The following SLC35D1 variants were observed in gnomAD, a reference collection of about 807,000 sequenced individuals.
SLC35D1 encodes the protein nucleotide sugar transporter SLC35D1.
SLC35D1 carries 31 observed loss-of-function variants against 46.7 expected under a neutral mutation model. The observed-to-expected ratio is 0.66, with a 90% CI of 0.50 to 0.90. SLC35D1 has a LOEUF of 0.90. SLC35D1 is among the 40% of genes least tolerant of loss of function. The pLI, the probability that SLC35D1 is intolerant of heterozygous loss-of-function variation, is 0.00. For missense variants in SLC35D1, 397 were observed against 426.2 expected, an observed-to-expected ratio of 0.93 and a Z score of 0.60; for synonymous variants, 195 against 164.6, an observed-to-expected ratio of 1.18 and a Z score of -1.41.
At position 67,014,894 on chromosome 1, in the gene SLC35D1, A is replaced by G. The variant is rs568027776; in HGVS notation, c.876+5475T>C. Among the ~76,000 whole-genome samples the G allele has an allele frequency of 2.0e-4, 31 of 151,518 alleles. No individual in the cohort carries two copies. In the East Asian group the frequency reaches 5.6e-3, roughly 27 times the overall value. On this transcript the variant is annotated intron_variant, in intron 10 of 11. Transcript: ENST00000235345. ...AGGCCCTGTCCTCCCTAGCCCAACC[A>G]TGTCTCTTGGCCATACTAAGGATTA... is the stretch of plus-strand genomic sequence containing the variant.
At chr1:66,997,517 A>AT (rs1319900394), downstream of SLC35D1, among the ~76,000 whole-genome samples, 1,670 of 24,004 alleles carry the variant, frequency 0.07, 14 homozygotes, top group Non-Finnish European at 0.12. Flanking sequence ...AAAAAAAAAA[A>AT]AAATATATAT....
the SLC35D1 span, among the ~76,000 whole-genome samples, chr1:66,993,370 C>A: frequency 1.3e-5 from 2 of 152,178 alleles, no homozygotes; most frequent in African/African-American, 2.4e-5. Context: ...CTAAGGAGTT[C>A]AGCAGTGACC....
intron 8 of SLC35D1, among the ~76,000 whole-genome samples, chr1:67,023,685 C>T (rs1311176289): frequency 6.6e-6 from 1 of 151,626 alleles, no homozygotes; most frequent in Non-Finnish European, 1.5e-5. Flanking sequence ...AGGGTTTCAC[C>T]ATGTTAGCCA....
chr1:67,005,800 C>T (rs567193124), intron 11 of SLC35D1, among the ~76,000 whole-genome samples: 1 of 152,216 alleles, frequency 6.6e-6, no homozygotes, highest in East Asian at 1.9e-4. Flanking sequence ...CCCTTATGAC[C>T]CTTGTGCCAC....
At chr1:67,051,090 T>C (rs1008213435) in intron 4 of SLC35D1, among the ~76,000 whole-genome samples, 1 of 152,204 alleles carries the variant, frequency 6.6e-6, no homozygotes, top group Non-Finnish European at 1.5e-5. Context: ...AAGCAAACTC[T>C]ACACAAGCAG....
chr1:67,026,337 T>C (rs1026533613), intron 8 of SLC35D1, among the ~76,000 whole-genome samples: 13 of 152,226 alleles, frequency 8.5e-5, no homozygotes, highest in Admixed American at 7.9e-4. Flanking sequence ...AAATTAACCT[T>C]AATTCCTGAG....
intron 8 of SLC35D1, among the ~76,000 whole-genome samples, chr1:67,031,586 AT>A (rs1188828632): frequency 1.3e-5 from 2 of 151,586 alleles, no homozygotes; most frequent in South Asian, 2.1e-4. Context: ...CATGTTCTCA[AT>A]TTTTTTTTCC....
chr1:67,032,075 C>CT (rs1340520983), intron 8 of SLC35D1: 1 of 985,250 alleles, frequency 1.0e-6, no homozygotes, highest in Admixed American at 6.2e-5. Flanking sequence ...GCCACAAGGC[C>CT]TGGAATCTTC....
rs969729172 is a variant in SLC35D1, at chr1:67,003,356, T to A, written c.*984A>T. 3.3e-5 allele frequency: 5 copies of A among 152,368 alleles called. No homozygotes were observed. Among genetic ancestry groups the A allele is most frequent in the African/African-American group, 1.2e-4 (5 of 41,458 alleles). The allele number at this position is 152,368 out of a possible 1,614,324, so 9.4% of individuals were successfully genotyped here. On this transcript the variant is annotated 3_prime_UTR_variant, in exon 12 of 12. Transcript: ENST00000235345. Reference sequence around the variant, plus strand: ...GCACTGGTTTACAAAACACAGCTCTTTACTTGTACCTCATCTCACATTGCA... The same window carrying A: ...GCACTGGTTTACAAAACACAGCTCTATACTTGTACCTCATCTCACATTGCA...
At chr1:67,052,104 A>G in intron 3 of SLC35D1, 25 bp from the exon 4 acceptor site, 1 of 1,435,602 alleles carries the variant, frequency 7.0e-7, no homozygotes, top group Non-Finnish European at 9.8e-7. Context: ...AAGGGATAAC[A>G]AAACTCAATA....
chr1:67,016,029 T>C (rs6588232), intron 10 of SLC35D1, among the ~76,000 whole-genome samples: 28,918 of 151,906 alleles, frequency 0.19, 5,054 homozygotes, highest in African/African-American at 0.47. Flanking sequence ...CCTAGAAGTC[T>C]AAGAGAAACA....
chr1:67,041,757 A>C (rs1424428727), intron 8 of SLC35D1, among the ~76,000 whole-genome samples: 1 of 152,214 alleles, frequency 6.6e-6, no homozygotes, highest in Non-Finnish European at 1.5e-5. Flanking sequence ...TTAAGTTGCC[A>C]CACAATGCTA....
chr1:66,989,781 A>AAAAC, the SLC35D1 span, among the ~76,000 whole-genome samples: 2 of 152,226 alleles, frequency 1.3e-5, no homozygotes, highest in Non-Finnish European at 1.5e-5. Flanking sequence ...TTTTAAAAAG[A>AAAAC]AAACATACGG....
At chr1:66,992,073 T>C in the SLC35D1 span, among the ~76,000 whole-genome samples, 1 of 152,214 alleles carries the variant, frequency 6.6e-6, no homozygotes, top group Non-Finnish European at 1.5e-5. Flanking sequence ...TCCAAAACCC[T>C]TGTGACTAGC....
the SLC35D1 span, chr1:66,973,058 G>A: frequency 8.3e-5 from 69 of 835,942 alleles, no homozygotes; most frequent in Middle Eastern, 2.2e-4. Flanking sequence ...GTCATGTATC[G>A]TAATTTGTTA....
intron 8 of SLC35D1, among the ~76,000 whole-genome samples, chr1:67,027,889 G>A (rs901267338): frequency 1.3e-5 from 2 of 151,982 alleles, no homozygotes; most frequent in Non-Finnish European, 2.9e-5. Context: ...GAGCCACCAT[G>A]CCTGGCTAAT....
At chr1:66,981,226 C>T in the SLC35D1 span, among the ~76,000 whole-genome samples, 1 of 152,138 alleles carries the variant, frequency 6.6e-6, no homozygotes, top group East Asian at 1.9e-4. Flanking sequence ...AATGAGCTCA[C>T]ATACAATGAG....
the SLC35D1 span, among the ~76,000 whole-genome samples, chr1:66,982,456 C>A: frequency 2.0e-5 from 3 of 152,102 alleles, no homozygotes; most frequent in East Asian, 3.8e-4. Flanking sequence ...AAAAGGCATA[C>A]CAATTGTTTG....
chr1:67,008,467 A>G, intron 11 of SLC35D1: 1 of 1,288,222 alleles, frequency 7.8e-7, no homozygotes, highest in Non-Finnish European at 1.0e-6. Flanking sequence ...ACCAGAAAAA[A>G]AAGACAAAGT....
Sources: allele counts gnomAD v4.1 joint callset (sites outside exome capture counted in the v4.1 genomes callset), GRCh38; gene constraint gnomAD v4.1.1; transcripts MANE v1.5; gene names NCBI Gene and HGNC (gene_info 2026-07-23, HGNC 2026-07-21).